The following USH2A variants were observed in gnomAD, a reference collection of about 807,000 sequenced individuals.
USH2A encodes usherin, also known as Usher syndrome 2A (autosomal recessive, mild).
In USH2A, 443 loss-of-function variants were observed where a neutral mutation model predicts 538.9. That is an observed-to-expected ratio of 0.82 (90% CI 0.76 to 0.89). The LOEUF (loss-of-function observed/expected upper bound fraction) is 0.89, where lower values mean the gene tolerates loss of function less well. USH2A is among the 40% of genes least tolerant of loss of function. The probability of loss-of-function intolerance (pLI) is 0.00; values close to 1 mark genes in which losing one functional copy is unlikely to be tolerated. For missense variants in USH2A, 6,633 were observed against 6,324.8 expected, an observed-to-expected ratio of 1.05 and a Z score of -1.65; for synonymous variants, 2,413 against 2,273.5, an observed-to-expected ratio of 1.06 and a Z score of -1.75.
At chr1:216,295,613 A>G (rs1380689677) in intron 9 of USH2A, among the ~76,000 whole-genome samples, 1 of 151,962 alleles carries the variant, frequency 6.6e-6, no homozygotes, top group African/African-American at 2.4e-5. Flanking sequence ...GATTTATAAT[A>G]AGTAAATACC....
At chr1:216,002,514 T>C (rs1668287806) in intron 32 of USH2A, among the ~76,000 whole-genome samples, 1 of 148,472 alleles carries the variant, frequency 6.7e-6, no homozygotes, top group Non-Finnish European at 1.5e-5. Flanking sequence ...GGAGAAAACC[T>C]ATAGTGTTTC....
At chr1:216,144,540 T>C (rs2033658918) in intron 21 of USH2A, among the ~76,000 whole-genome samples, 1 of 152,196 alleles carries the variant, frequency 6.6e-6, no homozygotes, top group Non-Finnish European at 1.5e-5. Context: ...GAAATTTATA[T>C]ATAATACTAG....
intron 47 of USH2A, among the ~76,000 whole-genome samples, chr1:215,821,350 T>C (rs113591566): frequency 0.02 from 3,007 of 151,970 alleles, 98 homozygotes; most frequent in African/African-American, 0.069. Context: ...TTAGTGATGA[T>C]GAACATTTTT....
chr1:215,659,030 A>G (rs972696439), intron 64 of USH2A, among the ~76,000 whole-genome samples: 1 of 152,206 alleles, frequency 6.6e-6, no homozygotes, highest in Non-Finnish European at 1.5e-5. Flanking sequence ...ATGCTGTTCT[A>G]TGAGCTGGGG....
chr1:215,864,816 T>C (rs1465878936), intron 44 of USH2A, among the ~76,000 whole-genome samples: 2 of 152,114 alleles, frequency 1.3e-5, no homozygotes. Flanking sequence ...TGTTTAAAAC[T>C]GGCCCTTCAA....
At chr1:215,942,995 C>G (rs892852305) in intron 37 of USH2A, among the ~76,000 whole-genome samples, 6 of 152,104 alleles carry the variant, frequency 3.9e-5, no homozygotes, top group African/African-American at 1.2e-4. Flanking sequence ...TCTGGATTCC[C>G]CAGAATTCTG....
At chr1:216,309,716 C>A (rs1175334344) in intron 9 of USH2A, among the ~76,000 whole-genome samples, 1 of 152,006 alleles carries the variant, frequency 6.6e-6, no homozygotes, top group African/African-American at 2.4e-5. Context: ...TGAGTATGTT[C>A]TCCTCTACTC....
chr1:216,421,664 T>G (rs1027149355), intron 2 of USH2A, among the ~76,000 whole-genome samples, 188 bp downstream of exon 2: 2 of 152,170 alleles, frequency 1.3e-5, no homozygotes, highest in Non-Finnish European at 2.9e-5. Context: ...TTTCACATTT[T>G]TTTTCATGGT....
chr1:216,054,844 C>A (rs774488098), intron 30 of USH2A, among the ~76,000 whole-genome samples: 1 of 152,204 alleles, frequency 6.6e-6, no homozygotes, highest in Non-Finnish European at 1.5e-5. Context: ...TGTCACCCAG[C>A]TTTTAATTCA....
At chr1:215,660,978 A>C (rs1657420630) in intron 64 of USH2A, among the ~76,000 whole-genome samples, 1 of 152,210 alleles carries the variant, frequency 6.6e-6, no homozygotes, top group Non-Finnish European at 1.5e-5. Flanking sequence ...TGAGATGTTT[A>C]TTTACAATTT....
chr1:216,418,686 A>C lies in USH2A; in HGVS notation c.486-7T>G, dbSNP rs191556320. 6.2e-7 allele frequency: 1 copy of C among 1,612,852 alleles called. No individual in the cohort carries two copies. Among genetic ancestry groups the C allele is most frequent in the African/African-American group, 1.3e-5 (1 of 74,954 alleles). ...TGTCTTTTCTATAACACACCTTAGG[A>C]AGCAACCGGAAAAGAGAGAAAAGGT... On this transcript the variant is annotated splice_region_variant and splice_polypyrimidine_tract_variant and intron_variant, in intron 2 of 71. Coordinates refer to ENST00000307340, the MANE Select transcript of USH2A (RefSeq NM_206933.4).
intron 21 of USH2A, among the ~76,000 whole-genome samples, chr1:216,146,701 C>T (rs1183488222): frequency 3.3e-5 from 5 of 152,170 alleles, no homozygotes; most frequent in East Asian, 3.9e-4. Context: ...CCCTTATTTC[C>T]GTGTCCCAAC....
At chr1:215,994,087 G>A (rs532921534) in intron 34 of USH2A, among the ~76,000 whole-genome samples, 82 of 152,158 alleles carry the variant, frequency 5.4e-4, no homozygotes, top group Non-Finnish European at 9.7e-4. Flanking sequence ...GCTTGGTTCA[G>A]TATCTCTTCA....
At chr1:216,015,604 C>T (rs185010767) in intron 32 of USH2A, among the ~76,000 whole-genome samples, 421 of 152,338 alleles carry the variant, frequency 2.8e-3, no homozygotes, top group Non-Finnish European at 4.7e-3. Context: ...CTGTCTTCCA[C>T]AATGGTTGAA....
chr1:216,113,129 C>A (rs1455213922), intron 21 of USH2A, among the ~76,000 whole-genome samples: 2 of 112,264 alleles, frequency 1.8e-5, no homozygotes, highest in Non-Finnish European at 3.5e-5. Context: ...TTTACAACCT[C>A]CAAATGATAA....
chr1:215,709,364 G>A (rs1659271235), intron 61 of USH2A, among the ~76,000 whole-genome samples: 1 of 152,002 alleles, frequency 6.6e-6, no homozygotes, highest in South Asian at 2.1e-4. Context: ...TACATATTAT[G>A]CAGATGTGTG....
chr1:216,247,323 A>G, intron 12 of USH2A, 97 bp from the exon 13 acceptor site: 1 of 1,463,576 alleles, frequency 6.8e-7, no homozygotes, highest in South Asian at 1.2e-5. Context: ...ATACGAACAC[A>G]AAATATTGAG....
intron 11 of USH2A, among the ~76,000 whole-genome samples, chr1:216,269,316 G>C (rs1357926348): frequency 6.6e-6 from 1 of 152,016 alleles, no homozygotes; most frequent in Non-Finnish European, 1.5e-5. Context: ...CCCTGCACAA[G>C]CTCTCTCTTT....
chr1:215,658,637 G>A (rs1307469881), intron 64 of USH2A, among the ~76,000 whole-genome samples: 6 of 152,138 alleles, frequency 3.9e-5, no homozygotes, highest in Non-Finnish European at 7.3e-5. Flanking sequence ...AGAGCCCTGC[G>A]TGGACTGGCT....
Sources: allele counts gnomAD v4.1 joint callset (sites outside exome capture counted in the v4.1 genomes callset), GRCh38; gene constraint gnomAD v4.1.1; transcripts MANE v1.5; gene names NCBI Gene and HGNC (gene_info 2026-07-23, HGNC 2026-07-21).